The following NME7 variants were observed in gnomAD, a reference collection of about 807,000 sequenced individuals.
The protein encoded by NME7 is NME/NM23 family member 7, also known as nucleoside diphosphate kinase 7.
NME7 carries 41 observed loss-of-function variants against 49.1 expected under a neutral mutation model. The ratio of observed to expected loss-of-function variants is 0.83; its 90% CI spans 0.65 to 1.08. The LOEUF is 1.08. Ranked by LOEUF, NME7 falls within the 50% of genes least tolerant of loss-of-function variation. The pLI is 0.00. For missense variants in NME7, 423 were observed against 463.4 expected, an observed-to-expected ratio of 0.91 and a Z score of 0.80; for synonymous variants, 139 against 150.6, an observed-to-expected ratio of 0.92 and a Z score of 0.56.
At chr1:169,358,744 C>T (rs909942037) in intron 1 of NME7, among the ~76,000 whole-genome samples, 3 of 151,972 alleles carry the variant, frequency 2.0e-5, no homozygotes, top group African/African-American at 7.2e-5. Context: ...TATTGTTAGA[C>T]ATATGTATGT....
At chr1:169,201,248 A>T (rs1292849756) in intron 10 of NME7, among the ~76,000 whole-genome samples, 1 of 152,134 alleles carries the variant, frequency 6.6e-6, no homozygotes, top group African/African-American at 2.4e-5. Flanking sequence ...ATAAATAAAT[A>T]AAACAAAGAT....
chr1:169,261,121 C>A (rs1649147563), intron 7 of NME7, among the ~76,000 whole-genome samples: 3 of 132,644 alleles, frequency 2.3e-5, no homozygotes, highest in Admixed American at 1.5e-4. Flanking sequence ...TAAATGTTTA[C>A]TGAAACAAAA....
intron 6 of NME7, among the ~76,000 whole-genome samples, chr1:169,294,711 G>T (rs868450025): frequency 2.0e-5 from 3 of 152,076 alleles, no homozygotes; most frequent in Non-Finnish European, 2.9e-5. Context: ...ATCCTAAAGG[G>T]TTCATACAAA....
intron 6 of NME7, 58 bp from the exon 7 acceptor site, chr1:169,287,466 A>G: frequency 8.2e-7 from 1 of 1,216,246 alleles, no homozygotes; most frequent in Non-Finnish European, 1.1e-6. Flanking sequence ...AACTTACAAG[A>G]TATTTCTGTG....
chr1:169,232,556 T>TGG (rs71121745), intron 9 of NME7, among the ~76,000 whole-genome samples: 72 of 140,910 alleles, frequency 5.1e-4, no homozygotes, highest in African/African-American at 1.4e-3. Flanking sequence ...GCCAGGGTGT[T>TGG]GGGGGGGGGG....
At chr1:169,245,729 G>A (rs774356598) in intron 7 of NME7, among the ~76,000 whole-genome samples, 17 of 152,120 alleles carry the variant, frequency 1.1e-4, no homozygotes, top group East Asian at 1.9e-4. Flanking sequence ...AAAAATAGAC[G>A]TGTATCTTTA....
At chr1:169,188,407 G>T (rs975452128) in intron 10 of NME7, among the ~76,000 whole-genome samples, 2 of 152,156 alleles carry the variant, frequency 1.3e-5, no homozygotes, top group African/African-American at 4.8e-5. Flanking sequence ...AAACTTGATT[G>T]TTCAATCACG....
In NME7 at chr1:169,258,265, G is replaced by A. The variant is rs1476620652; in HGVS notation, c.755-20578C>T. 2.4e-5 allele frequency among the ~76,000 whole-genome samples: 3 copies of A among 125,570 alleles called. 1 individual carries two copies. The highest frequency in any genetic ancestry group is 8.0e-5 in the African/African-American group (3 of 37,602). The allele number at this position is 125,570 out of a possible 152,430, so 82.4% of individuals were successfully genotyped here. A position where few individuals can be genotyped will look rare whatever the true frequency, so the allele number is the denominator to read the frequency against. ...GCTGAGGTGGAAGGATCACTTGACT[G>A]CAGGAGGTTGTGGTTGAGGTTCCAG... On this transcript the variant is annotated intron_variant, in intron 7 of 11. Coordinates refer to ENST00000367811, the MANE Select transcript of NME7 (RefSeq NM_013330.5).
chr1:169,228,684 A>C (rs1647452051), intron 10 of NME7, among the ~76,000 whole-genome samples: 2 of 66,298 alleles, frequency 3.0e-5, no homozygotes, highest in Admixed American at 1.3e-4. Flanking sequence ...ACTCCGTCTC[A>C]AAAAAAAAAA....
chr1:169,275,848 G>C (rs1366021307), intron 7 of NME7, among the ~76,000 whole-genome samples: 1 of 133,160 alleles, frequency 7.5e-6, no homozygotes, highest in African/African-American at 2.5e-5. Flanking sequence ...TTATTATTTT[G>C]AGATACATCC....
At chr1:169,284,695 A>G (rs1009216833) in intron 7 of NME7, 1 of 152,012 alleles carries the variant, frequency 6.6e-6, no homozygotes, top group African/African-American at 2.4e-5. Flanking sequence ...TAGATTTTCT[A>G]CTAGGGTTTT....
intron 6 of NME7, among the ~76,000 whole-genome samples, chr1:169,292,989 A>G (rs1365644160): frequency 6.6e-6 from 1 of 152,138 alleles, no homozygotes; most frequent in African/African-American, 2.4e-5. Context: ...CAAAAGGAAT[A>G]CTTTGGTAAA....
At chr1:169,209,406 T>C (rs1031232655) in intron 10 of NME7, among the ~76,000 whole-genome samples, 2 of 152,126 alleles carry the variant, frequency 1.3e-5, no homozygotes, top group African/African-American at 2.4e-5. Context: ...ACTGTTACTG[T>C]ATATATTCCA....
chr1:169,216,811 G>A (rs1660984275), intron 10 of NME7, among the ~76,000 whole-genome samples: 2 of 152,148 alleles, frequency 1.3e-5, no homozygotes, highest in African/African-American at 4.8e-5. Flanking sequence ...AGAATTGATT[G>A]GTTGTTGGTA....
At chr1:169,216,941 A>C (rs182761945) in intron 10 of NME7, among the ~76,000 whole-genome samples, 67 of 152,336 alleles carry the variant, frequency 4.4e-4, no homozygotes, top group Admixed American at 2.9e-3. Flanking sequence ...TGTAGAGAGT[A>C]GCTCTTCAAT....
Position 169,276,583 on chromosome 1 carries a change from T to C in NME7, c.754+10720A>G, listed in dbSNP as rs1293528232. Reference sequence around the variant, plus strand: ...TCTATTAGATTCTTCTCTCTTTTTTTCTTTATTAGTCTTGCTAGCGGTCTA... The same window carrying C: ...TCTATTAGATTCTTCTCTCTTTTTTCCTTTATTAGTCTTGCTAGCGGTCTA... On this transcript the variant is annotated intron_variant, in intron 7 of 11. Coordinates refer to ENST00000367811, the MANE Select transcript of NME7 (RefSeq NM_013330.5). Among the ~76,000 whole-genome samples the C allele has an allele frequency of 2.3e-5, 3 of 132,546 alleles. 1 individual carries two copies. The highest frequency in any genetic ancestry group is 7.6e-5 in the African/African-American group (3 of 39,294). The allele number at this position is 132,546 out of a possible 152,430, so 87.0% of individuals were successfully genotyped here.
chr1:169,304,120 T>C (rs1391214280), intron 4 of NME7, among the ~76,000 whole-genome samples: 1 of 152,196 alleles, frequency 6.6e-6, no homozygotes, highest in Non-Finnish European at 1.5e-5. Context: ...TCAGAGTTTA[T>C]TAATTGTAAC....
At chr1:169,170,842 A>G (rs1659565321) in intron 10 of NME7, among the ~76,000 whole-genome samples, 1 of 152,030 alleles carries the variant, frequency 6.6e-6, no homozygotes. Context: ...CAGGAGAATC[A>G]CCTGAACCTG....
intron 10 of NME7, among the ~76,000 whole-genome samples, chr1:169,170,107 G>A (rs967799020): frequency 2.0e-5 from 3 of 152,140 alleles, no homozygotes. Context: ...AGCTCCTAGT[G>A]GTATGGGATA....
Sources: gnomAD v4.1 joint callset for allele counts (sites outside exome capture counted in the v4.1 genomes callset) on GRCh38, gnomAD v4.1.1 for gene constraint, MANE v1.5 for transcripts, NCBI Gene and HGNC (gene_info 2026-07-23, HGNC 2026-07-21) for gene names.